Variants in KGD4 observed in about 807,000 individuals in gnomAD.
KGD4 encodes the protein alpha-ketoglutarate dehydrogenase subunit 4.
the KGD4 span, among the ~76,000 whole-genome samples, chr5:69,222,359 C>T: frequency 6.6e-6 from 1 of 152,022 alleles, no homozygotes; most frequent in Non-Finnish European, 1.5e-5. Context: ...GATTTCATGG[C>T]AGAGGACGTA....
At chr5:69,223,246 T>G in the KGD4 span, among the ~76,000 whole-genome samples, 1 of 151,468 alleles carries the variant, frequency 6.6e-6, no homozygotes, top group Admixed American at 6.6e-5. Context: ...GCCTGGCTAC[T>G]TTTTTTGTAT....
At chr5:69,218,557 C>T in the KGD4 span, among the ~76,000 whole-genome samples, 3 of 151,632 alleles carry the variant, frequency 2.0e-5, no homozygotes, top group Non-Finnish European at 4.4e-5. Context: ...GCTAAAGTAA[C>T]TTTGTTAATC....
the KGD4 span, chr5:69,229,236 T>A: frequency 1.2e-6 from 2 of 1,608,618 alleles, no homozygotes; most frequent in Non-Finnish European, 1.7e-6. Context: ...CCATGGTGGC[T>A]GCTGTTTGTC....
the KGD4 span, among the ~76,000 whole-genome samples, chr5:69,227,503 C>G: frequency 6.6e-6 from 1 of 152,050 alleles, no homozygotes; most frequent in Non-Finnish European, 1.5e-5. Context: ...TTAAAAAAAC[C>G]AGATCCTCTG....
At chr5:69,218,127 A>G in the KGD4 span, 2 of 542,824 alleles carry the variant, frequency 3.7e-6, no homozygotes, top group Non-Finnish European at 6.4e-6. Flanking sequence ...TCCTGTACCT[A>G]CTGCCGGGAT....
At chr5:69,226,780 G>A in the KGD4 span, among the ~76,000 whole-genome samples, 6 of 152,030 alleles carry the variant, frequency 3.9e-5, no homozygotes, top group African/African-American at 7.2e-5. Context: ...CCCACGAGGC[G>A]GAGGTTGCAG....
chr5:69,217,988 A>T, the KGD4 span: 1 of 1,551,202 alleles, frequency 6.4e-7, no homozygotes, highest in Non-Finnish European at 8.8e-7. Flanking sequence ...GCCTCTGCGG[A>T]GGGCCAGTGA....
chr5:69,221,236 G>C, the KGD4 span, among the ~76,000 whole-genome samples: 3 of 151,798 alleles, frequency 2.0e-5, no homozygotes, highest in Non-Finnish European at 4.4e-5. Flanking sequence ...GTGTGTGGGT[G>C]TGTACCTGTA....
the KGD4 span, among the ~76,000 whole-genome samples, chr5:69,222,767 A>G: frequency 6.8e-6 from 1 of 146,730 alleles, no homozygotes; most frequent in African/African-American, 2.6e-5. Flanking sequence ...CTTGGCTATG[A>G]AAGTGAAGAA....
chr5:69,226,591 C>T, the KGD4 span, among the ~76,000 whole-genome samples: 6 of 152,120 alleles, frequency 3.9e-5, no homozygotes, highest in African/African-American at 1.4e-4. Flanking sequence ...TCACGCCTGT[C>T]ATCCCAGCAC....
chr5:69,217,824 G>A, the KGD4 span: 2 of 1,614,010 alleles, frequency 1.2e-6, no homozygotes, highest in Non-Finnish European at 1.7e-6. Flanking sequence ...CCCCTTCTCG[G>A]GGGTCATGAT....
chr5:69,220,806 G>T, the KGD4 span, among the ~76,000 whole-genome samples: 8 of 151,026 alleles, frequency 5.3e-5, no homozygotes, highest in Admixed American at 6.6e-5. Flanking sequence ...GTAGAAAGAA[G>T]TAGACACAGG....
chr5:69,222,512 G>A, the KGD4 span, among the ~76,000 whole-genome samples: 1 of 152,228 alleles, frequency 6.6e-6, no homozygotes, highest in Non-Finnish European at 1.5e-5. Flanking sequence ...GGTGTTGTGA[G>A]TGCCAAAGAA....
the KGD4 span, among the ~76,000 whole-genome samples, chr5:69,224,278 C>A: frequency 1.3e-4 from 19 of 151,792 alleles, no homozygotes; most frequent in African/African-American, 4.6e-4. Flanking sequence ...GTAATCCTGG[C>A]TACTCAGGAG....
the KGD4 span, chr5:69,229,773 G>A: frequency 6.6e-6 from 1 of 152,118 alleles, no homozygotes; most frequent in African/African-American, 2.4e-5. Flanking sequence ...TAAAAATATA[G>A]TCAAGCTAAA....
the KGD4 span, among the ~76,000 whole-genome samples, chr5:69,228,947 G>A: frequency 9.7e-3 from 1,456 of 149,806 alleles, 15 homozygotes; most frequent in South Asian, 0.024. Context: ...CCCGGGAGGC[G>A]GAGGTTGCAG....
the KGD4 span, chr5:69,228,162 A>C: frequency 1.3e-6 from 2 of 1,485,158 alleles, no homozygotes; most frequent in Non-Finnish European, 1.8e-6. Context: ...ACATCTGAAC[A>C]ATTTCTCTAA....
the KGD4 span, among the ~76,000 whole-genome samples, chr5:69,218,452 ATGTG>A: frequency 7.1e-6 from 1 of 139,936 alleles, no homozygotes; most frequent in Non-Finnish European, 1.5e-5. Context: ...TTTAATTAGT[ATGTG>A]TGTGTGTATA....
At chr5:69,219,987 T>G in the KGD4 span, among the ~76,000 whole-genome samples, 3 of 152,118 alleles carry the variant, frequency 2.0e-5, no homozygotes, top group Non-Finnish European at 4.4e-5. Context: ...CCCAACACTT[T>G]GGTAGTTTGA....
Sources: allele counts gnomAD v4.1 joint callset (sites outside exome capture counted in the v4.1 genomes callset), GRCh38; gene constraint gnomAD v4.1.1; transcripts MANE v1.5; gene names NCBI Gene and HGNC (gene_info 2026-07-23, HGNC 2026-07-21).